Variants in IQCM observed in about 807,000 individuals in gnomAD.
IQCM encodes IQ domain-containing protein M.
A neutral mutation model predicts 57.6 loss-of-function variants in IQCM; 45 were observed. That is an observed-to-expected ratio of 0.78 (90% confidence interval 0.62 to 1.00). The LOEUF (loss-of-function observed/expected upper bound fraction) is 1.00, where lower values mean the gene tolerates loss of function less well. Ranked by LOEUF, IQCM falls within the 50% of genes least tolerant of loss-of-function variation. IQCM has a pLI of 0.00. For missense variants in IQCM, 468 were observed against 511.6 expected, an observed-to-expected ratio of 0.91 and a Z score of 0.82; for synonymous variants, 148 against 158.9, an observed-to-expected ratio of 0.93 and a Z score of 0.51.
At position 149,679,846 on chromosome 4, in the gene IQCM, G is replaced by A. The variant is rs182232581; in HGVS notation, c.565+2272C>T. On this transcript the variant is annotated intron_variant, in intron 7 of 13. Transcript: ENST00000636793. The stretch of plus-strand genomic sequence containing the variant: ...GTTATAATAATGATGTGGAGAATAA[G>A]CTTTTTTGTGCAGACTTTTTAGACT... Among the ~76,000 whole-genome samples, 285 of 151,386 alleles carry A rather than the reference G, an allele frequency of 1.9e-3. 2 individuals carry two copies. Among genetic ancestry groups the A allele is most frequent in the Non-Finnish European group, 3.0e-3 (204 of 67,480 alleles).
chr4:149,728,304 G>A lies in IQCM; in HGVS notation c.385+4940C>T, dbSNP rs574389049. Among the ~76,000 whole-genome samples the A allele has an allele frequency of 1.1e-4, 17 of 152,082 alleles. 1 individual carries two copies. The highest frequency in any genetic ancestry group is 4.1e-4 in the African/African-American group (17 of 41,420). ...AATATCATTTCCTCTGGGAAGTCTTGCAGACACACAGTCCATGTCCAATTT... is the reference window on the plus strand; with the variant it reads ...AATATCATTTCCTCTGGGAAGTCTTACAGACACACAGTCCATGTCCAATTT... On this transcript the variant is annotated intron_variant, in intron 5 of 13. Transcript: ENST00000636793.
At chr4:149,421,506 A>C (rs1161522587) in intron 13 of IQCM, among the ~76,000 whole-genome samples, 3 of 152,058 alleles carry the variant, frequency 2.0e-5, no homozygotes, top group Non-Finnish European at 4.4e-5. Flanking sequence ...CATGCCACAA[A>C]GATAAATTAT....
chr4:149,701,647 C>G (rs1333991070), intron 5 of IQCM, among the ~76,000 whole-genome samples: 1 of 151,900 alleles, frequency 6.6e-6, no homozygotes, highest in African/African-American at 2.4e-5. Flanking sequence ...TTTAGTGTCA[C>G]TTTGAGGTTT....
intron 13 of IQCM, among the ~76,000 whole-genome samples, chr4:149,376,490 A>T (rs1281827158): frequency 6.6e-6 from 1 of 152,160 alleles, no homozygotes; most frequent in Non-Finnish European, 1.5e-5. Context: ...AGGCATTCTT[A>T]TCACATCTCC....
chr4:149,776,480 T>A (rs550550169), intron 2 of IQCM, among the ~76,000 whole-genome samples: 1 of 152,178 alleles, frequency 6.6e-6, no homozygotes, highest in Non-Finnish European at 1.5e-5. Flanking sequence ...CATCAATAAC[T>A]GTAACCACAA....
chr4:149,368,819 CAT>C lies in IQCM; in HGVS notation c.1391-16755_1391-16754del, dbSNP rs1267954869. ...ACATATATATACATGTATATATATA[CAT>C]ATATATACATGTATATATATACATA... On this transcript the variant is annotated intron_variant, in intron 13 of 13. Transcript: ENST00000636793. Among the ~76,000 whole-genome samples, 179 of 72,426 alleles carry C rather than the reference CAT, an allele frequency of 2.5e-3. 42 individuals carry two copies. Among genetic ancestry groups the C allele is most frequent in the African/African-American group, 9.7e-3 (136 of 14,044 alleles). The allele number at this position is 72,426 out of a possible 152,430, so 47.5% of individuals were successfully genotyped here.
intron 12 of IQCM, among the ~76,000 whole-genome samples, chr4:149,490,916 T>C (rs574101073): frequency 6.6e-6 from 1 of 152,238 alleles, no homozygotes; most frequent in South Asian, 2.1e-4. Context: ...CAGTAGCCTA[T>C]GAGGAAACAG....
intron 7 of IQCM, among the ~76,000 whole-genome samples, chr4:149,645,608 T>C (rs1470688697): frequency 1.3e-5 from 2 of 152,210 alleles, no homozygotes; most frequent in African/African-American, 4.8e-5. Flanking sequence ...CCTTTTTCTA[T>C]GATGATAATT....
chr4:149,388,567 T>C (rs1731605457), intron 13 of IQCM, among the ~76,000 whole-genome samples: 1 of 132,022 alleles, frequency 7.6e-6, no homozygotes, highest in Non-Finnish European at 1.6e-5. Flanking sequence ...TATATTTATA[T>C]ACATAAATAT....
chr4:149,375,584 T>C (rs1730655850), intron 13 of IQCM, among the ~76,000 whole-genome samples: 1 of 152,190 alleles, frequency 6.6e-6, no homozygotes, highest in East Asian at 1.9e-4. Context: ...ATTAATCAGG[T>C]TAATACATTT....
At chr4:149,473,849 A>G (rs986917714) in intron 12 of IQCM, among the ~76,000 whole-genome samples, 1 of 152,158 alleles carries the variant, frequency 6.6e-6, no homozygotes, top group Non-Finnish European at 1.5e-5. Context: ...GCTGGAAACC[A>G]TTATTCTCAG....
intron 12 of IQCM, among the ~76,000 whole-genome samples, chr4:149,452,828 A>G (rs1178298999): frequency 1.3e-5 from 2 of 151,564 alleles, no homozygotes; most frequent in African/African-American, 4.8e-5. Flanking sequence ...CAACTTAAAT[A>G]AAGTAGATTA....
intron 8 of IQCM, among the ~76,000 whole-genome samples, chr4:149,612,100 G>C (rs1418261668): frequency 6.6e-6 from 1 of 151,908 alleles, no homozygotes; most frequent in Non-Finnish European, 1.5e-5. Flanking sequence ...GAGAGAGAGA[G>C]AGAGAGAGAG....
At chr4:149,481,497 A>G (rs762199533) in intron 12 of IQCM, among the ~76,000 whole-genome samples, 1 of 151,988 alleles carries the variant, frequency 6.6e-6, no homozygotes, top group Non-Finnish European at 1.5e-5. Flanking sequence ...TCTCAGCACC[A>G]TTTATTAAAC....
At chr4:149,362,506 A>G (rs1262470817) in intron 13 of IQCM, among the ~76,000 whole-genome samples, 1 of 152,140 alleles carries the variant, frequency 6.6e-6, no homozygotes, top group Non-Finnish European at 1.5e-5. Context: ...TTCTCATGAT[A>G]GTAAATAAGT....
At chr4:149,650,585 T>C (rs1373788542) in intron 7 of IQCM, among the ~76,000 whole-genome samples, 1 of 152,096 alleles carries the variant, frequency 6.6e-6, no homozygotes, top group East Asian at 1.9e-4. Context: ...AGACAGGGTT[T>C]CACCATGTTT....
intron 7 of IQCM, among the ~76,000 whole-genome samples, chr4:149,639,852 C>T (rs1758039182): frequency 6.6e-6 from 1 of 152,196 alleles, no homozygotes; most frequent in Non-Finnish European, 1.5e-5. Context: ...TCCCTCGAGA[C>T]AGCGAGGTGG....
chr4:149,482,751 A>G (rs956801469), intron 12 of IQCM, among the ~76,000 whole-genome samples: 8 of 149,764 alleles, frequency 5.3e-5, no homozygotes, highest in African/African-American at 1.7e-4. Flanking sequence ...TTTTTTTTTA[A>G]TGTGTCTTTG....
intron 7 of IQCM, among the ~76,000 whole-genome samples, chr4:149,669,591 A>G (rs1761064414): frequency 6.6e-6 from 1 of 152,102 alleles, no homozygotes; most frequent in African/African-American, 2.4e-5. Flanking sequence ...GTTTTCTTCT[A>G]GGGTTTTTAT....
Sources: allele counts gnomAD v4.1 joint callset (sites outside exome capture counted in the v4.1 genomes callset), GRCh38; gene constraint gnomAD v4.1.1; transcripts MANE v1.5; gene names NCBI Gene and HGNC (gene_info 2026-07-23, HGNC 2026-07-21).